Variants in PTCRA observed in about 807,000 individuals in gnomAD.
PTCRA encodes pre T-cell antigen receptor alpha.
A neutral mutation model predicts 13.4 loss-of-function variants in PTCRA; 9 were observed. The observed-to-expected ratio is 0.67, with a 90% CI of 0.41 to 1.18. PTCRA has a LOEUF of 1.18. Ranked by LOEUF, PTCRA falls within the 50% of genes most tolerant of loss-of-function variation. PTCRA has a pLI of 0.01. For synonymous variants in PTCRA, 153 were observed against 161.9 expected (o/e 0.94, Z 0.42); for missense variants, 353 against 359.8 (o/e 0.98, Z 0.15).
At chr6:42,917,440 T>C (rs986503816) in intron 1 of PTCRA, among the ~76,000 whole-genome samples, 1 of 148,098 alleles carries the variant, frequency 6.8e-6, no homozygotes, top group Non-Finnish European at 1.5e-5. Flanking sequence ...GCCAGGCTGG[T>C]CTTGAACTCC....
At chr6:42,921,333 C>T (rs915950296) in intron 1 of PTCRA, among the ~76,000 whole-genome samples, 5 of 151,476 alleles carry the variant, frequency 3.3e-5, no homozygotes, top group Non-Finnish European at 7.4e-5. Flanking sequence ...AACTCCTGAC[C>T]TCAGGTGATC....
chr6:42,917,603 G>A (rs1300197749), intron 1 of PTCRA, among the ~76,000 whole-genome samples: 1 of 147,842 alleles, frequency 6.8e-6, no homozygotes, highest in East Asian at 2.0e-4. Flanking sequence ...AGATTGGAGT[G>A]CAATGGCACA....
At chr6:42,916,220 AG>A in intron 1 of PTCRA, 93 bp downstream of exon 1, 1 of 1,256,824 alleles carries the variant, frequency 8.0e-7, no homozygotes, top group Non-Finnish European at 1.2e-6. Context: ...GATGGGCTGC[AG>A]GGAGGCAGGA....
rs571101244 is a variant in PTCRA at position 42,920,668 on chromosome 6, A to G, written c.59-2359A>G. ...TCTCTATCTCCTGACCTCGTGATCC[A>G]CCCACCTTGGCCTCCCAAAGTGCTG... On this transcript the variant is annotated intron_variant, in intron 1 of 3. Transcript: ENST00000304672. 5.3e-4 allele frequency among the ~76,000 whole-genome samples: 81 copies of G among 151,944 alleles called. 1 individual carries two copies. The South Asian group carries it at 0.012, about 22-fold the overall frequency.
chr6:42,917,062 C>T (rs1394783241), intron 1 of PTCRA, among the ~76,000 whole-genome samples: 1 of 152,046 alleles, frequency 6.6e-6, no homozygotes, highest in Non-Finnish European at 1.5e-5. Flanking sequence ...TCTCTACTAC[C>T]TTTGTTTGCA....
At chr6:42,924,567 G>T (rs1264732082) in intron 3 of PTCRA, among the ~76,000 whole-genome samples, 4 of 152,246 alleles carry the variant, frequency 2.6e-5, no homozygotes, top group South Asian at 4.1e-4. Context: ...CCAGGCAGGG[G>T]GGTCTCAGCA....
intron 1 of PTCRA, among the ~76,000 whole-genome samples, chr6:42,918,010 C>A (rs1045086778): frequency 2.0e-5 from 3 of 152,096 alleles, no homozygotes; most frequent in Non-Finnish European, 2.9e-5. Context: ...AATTCCAGCA[C>A]TTTGGAAGGC....
intron 1 of PTCRA, among the ~76,000 whole-genome samples, chr6:42,918,369 G>A (rs924250813): frequency 6.6e-6 from 1 of 150,972 alleles, no homozygotes; most frequent in African/African-American, 2.4e-5. Context: ...GCCTGGCCAA[G>A]ATGGTGAAAC....
At chr6:42,920,217 G>A (rs996232891) in intron 1 of PTCRA, among the ~76,000 whole-genome samples, 5 of 151,502 alleles carry the variant, frequency 3.3e-5, no homozygotes, top group African/African-American at 1.2e-4. Context: ...CTACTCGTGA[G>A]GCTGAGGCAG....
chr6:42,920,549 C>T (rs560530588), intron 1 of PTCRA, among the ~76,000 whole-genome samples: 3 of 150,172 alleles, frequency 2.0e-5, no homozygotes, highest in South Asian at 2.1e-4. Context: ...CTCAGCCTCC[C>T]GAGTAAATGG....
chr6:42,917,314 C>A (rs1766922354), intron 1 of PTCRA, among the ~76,000 whole-genome samples: 1 of 148,764 alleles, frequency 6.7e-6, no homozygotes, highest in Non-Finnish European at 1.5e-5. Context: ...CCTCCACCTC[C>A]CGGGTTCACT....
In PTCRA at chr6:42,925,243, A is replaced by G; in HGVS notation, c.425-18A>G. On this transcript the variant is annotated intron_variant, in intron 3 of 3. Transcript: ENST00000304672. The surrounding 1 kb of genome is among the most constrained non-coding windows in gnomAD (Gnocchi z 4.4). ...GGCTGCGGGCTCCTGCGGGCTCCTG[A>G]GCGGTTCCTCCTCGCAGGGACACCG... 1 of 1,577,804 alleles carries G rather than the reference A, an allele frequency of 6.3e-7. No homozygotes were observed. The highest frequency in any genetic ancestry group is 8.6e-7 in the Non-Finnish European group (1 of 1,169,512).
In PTCRA at chr6:42,923,159, C is replaced by T. The variant is rs1424221749; in HGVS notation, c.191C>T (p.Ser64Leu). The T allele has an allele frequency of 6.2e-7, 1 of 1,614,230 alleles. No individual in the cohort carries two copies. The highest frequency in any genetic ancestry group is 1.1e-5 in the South Asian group (1 of 91,090). The part of the protein sequence containing the change: ...PPGLDSPIWF[S>L]AGNGSALDAF... ...GGCCTTGACAGCCCCATCTGGTTCT[C>T]AGCCGGCAATGGCAGTGCACTGGAT... Residue 64 changes from serine (S) to leucine (L), a missense_variant, in exon 2 of 4, where the codon TCA (serine) becomes TTA (leucine). Ser to Leu is a moderately radical substitution (Grantham distance 145). Transcript: ENST00000304672.
Position 42,924,264 on chromosome 6 carries a change from CCT to C in PTCRA, c.419_420del (p.Leu140GlnfsTer24). ...TACAGCCAGGACCTGCCCCCAGGAG[CCT>C]CTCAGGGGTGAGTACTCCGGGCAAG... ...ASTARTCPQE[P>X]LRGTPGGALW... is the part of the protein sequence containing the mutation. On this transcript the variant is annotated frameshift_variant, in exon 3 of 4. Coordinates refer to ENST00000304672, the MANE Select transcript of PTCRA (RefSeq NM_138296.3). LOFTEE classifies it low-confidence loss of function (END_TRUNC). The C allele has an allele frequency of 6.2e-7, 1 of 1,611,994 alleles. No individual in the cohort carries two copies. Among genetic ancestry groups the C allele is most frequent in the Non-Finnish European group, 8.5e-7 (1 of 1,179,214 alleles).
At position 42,925,396 on chromosome 6, in the gene PTCRA, G is replaced by C. The variant is rs1049131901; in HGVS notation, c.560G>C (p.Arg187Pro). The C allele has an allele frequency of 6.4e-7, 1 of 1,554,058 alleles. No homozygotes were observed. The highest frequency in any genetic ancestry group is 2.4e-5 in the East Asian group (1 of 41,206). The change falls in exon 4 of 4, where the codon CGC (arginine) becomes CCC (proline). Residue 187 changes from arginine (R) to proline (P), a missense_variant. Arg to Pro is a moderately radical substitution (Grantham distance 103). Coordinates refer to ENST00000304672, the MANE Select transcript of PTCRA (RefSeq NM_138296.3). The surrounding 1 kb of genome is among the most constrained non-coding windows in gnomAD (Gnocchi z 4.4). The part of the protein sequence containing the change: ...GPLPSPATTT[R>P]LRALGSHRLH... ...CTGCCTTCCCCCGCAACCACCACCC[G>C]CCTGCGAGCCCTCGGCTCCCATCGA...
At chr6:42,924,128 C>T (rs758657308) in intron 2 of PTCRA, 101 bp from the exon 3 acceptor site, 6 of 1,053,860 alleles carry the variant, frequency 5.7e-6, no homozygotes, top group South Asian at 1.6e-5. Flanking sequence ...CCAAATGCCT[C>T]GACACCCACC....
At chr6:42,916,673 C>T (rs1766890422) in intron 1 of PTCRA, among the ~76,000 whole-genome samples, 2 of 152,176 alleles carry the variant, frequency 1.3e-5, no homozygotes, top group African/African-American at 4.8e-5. Context: ...ACCCCCAGCC[C>T]TCCCATGATC....
chr6:42,920,191 G>C lies in PTCRA; in HGVS notation c.59-2836G>C, dbSNP rs1018141804. ...AACAATTAGCCAGGCGTGTTGGCGG[G>C]CGCCTGTAGTCCCAGCTACTCGTGA... On this transcript the variant is annotated intron_variant, in intron 1 of 3. Coordinates refer to ENST00000304672, the MANE Select transcript of PTCRA (RefSeq NM_138296.3). Among the ~76,000 whole-genome samples the C allele has an allele frequency of 2.8e-4, 42 of 151,494 alleles. No individual in the cohort carries two copies. The South Asian group carries it at 2.9e-3, about 11-fold the overall frequency.
chr6:42,921,792 G>T (rs904274123), intron 1 of PTCRA, among the ~76,000 whole-genome samples: 1 of 149,252 alleles, frequency 6.7e-6, no homozygotes, highest in Non-Finnish European at 1.5e-5. Flanking sequence ...CTAGCACTTT[G>T]GGAGGCCAGG....
Sources: gnomAD v4.1 joint callset for allele counts (sites outside exome capture counted in the v4.1 genomes callset) on GRCh38, gnomAD v4.1.1 for gene constraint, Gnocchi (gnomAD v3.1) non-coding constraint, MANE v1.5 for transcripts, NCBI Gene and HGNC (gene_info 2026-07-23, HGNC 2026-07-21) for gene names.